TRAPPC9: variants seen among roughly 807,000 people sequenced by gnomAD.
TRAPPC9 encodes IKK2 binding protein.
TRAPPC9 carries 83 observed loss-of-function variants against 124.0 expected under a neutral mutation model. The observed-to-expected ratio is 0.67, with a 90% CI of 0.56 to 0.80. The LOEUF (loss-of-function observed/expected upper bound fraction) is 0.80, where lower values mean the gene tolerates loss of function less well. Ranked by LOEUF, TRAPPC9 falls within the 30% of genes least tolerant of loss-of-function variation. The probability of loss-of-function intolerance (pLI) is 0.00; values close to 1 mark genes in which losing one functional copy is unlikely to be tolerated. For missense variants in TRAPPC9, 1,302 were observed against 1,508.3 expected, an observed-to-expected ratio of 0.86 and a Z score of 2.27; for synonymous variants, 638 against 617.5, an observed-to-expected ratio of 1.03 and a Z score of -0.49.
chr8:139,977,743 C>T (rs879511443), intron 19 of TRAPPC9, among the ~76,000 whole-genome samples: 27 of 151,638 alleles, frequency 1.8e-4, no homozygotes, highest in Non-Finnish European at 2.6e-4. Context: ...TGCAGTGGGG[C>T]GATCTCAGCT....
At chr8:140,137,226 G>A (rs973844573) in intron 17 of TRAPPC9, among the ~76,000 whole-genome samples, 13 of 152,258 alleles carry the variant, frequency 8.5e-5, no homozygotes, top group Admixed American at 5.2e-4. Flanking sequence ...AGGGCTCACC[G>A]CATCCCCTCA....
chr8:140,235,569 CAAGTT>C (rs1340293919), intron 16 of TRAPPC9, among the ~76,000 whole-genome samples: 4 of 152,124 alleles, frequency 2.6e-5, no homozygotes, highest in Non-Finnish European at 4.4e-5. Context: ...TTGGGAAAAG[CAAGTT>C]AATACCACAG....
Position 140,286,830 on chromosome 8 carries a change from A to G in TRAPPC9, c.1981+778T>C, listed in dbSNP as rs751006792. Among the ~76,000 whole-genome samples, 41 of 152,282 alleles carry G rather than the reference A, an allele frequency of 2.7e-4. No homozygotes were observed. The Middle Eastern group carries it at 0.014, about 51-fold the overall frequency. ...CACATTGGAGGAACTGGAAGACAGC[A>G]AGGCCAGGGCATCGGTGGGATCACC... is the stretch of plus-strand genomic sequence containing the variant. On this transcript the variant is annotated intron_variant, in intron 13 of 22. Transcript: ENST00000438773.
chr8:140,358,531 A>C (rs1014064868), intron 9 of TRAPPC9, among the ~76,000 whole-genome samples: 3 of 152,174 alleles, frequency 2.0e-5, no homozygotes, highest in African/African-American at 7.2e-5. Flanking sequence ...TAAACCTCAC[A>C]ACCACCCTCA....
chr8:139,756,853 G>A (rs1819850413), intron 21 of TRAPPC9, among the ~76,000 whole-genome samples: 1 of 140,270 alleles, frequency 7.1e-6, no homozygotes, highest in Non-Finnish European at 1.5e-5. Flanking sequence ...CGCAGGAGGA[G>A]CCAGGGATTG....
At chr8:139,906,494 G>A (rs1213424225) in intron 20 of TRAPPC9, among the ~76,000 whole-genome samples, 3 of 152,192 alleles carry the variant, frequency 2.0e-5, no homozygotes, top group South Asian at 2.1e-4. Context: ...CAAGAACAAG[G>A]AGGCTACTGA....
intron 21 of TRAPPC9, among the ~76,000 whole-genome samples, chr8:139,772,705 T>C (rs957784005): frequency 3.3e-5 from 5 of 152,222 alleles, no homozygotes; most frequent in Non-Finnish European, 4.4e-5. Context: ...CACCTAGTGT[T>C]AGGGGCTGAA....
At chr8:140,349,086 T>G (rs1372090076) in intron 9 of TRAPPC9, among the ~76,000 whole-genome samples, 6 of 46,970 alleles carry the variant, frequency 1.3e-4, no homozygotes, top group East Asian at 6.9e-4. Context: ...AAGGGGGGCG[T>G]GCGAGGGAAG....
intron 16 of TRAPPC9, among the ~76,000 whole-genome samples, chr8:140,237,699 G>A (rs1032937098): frequency 1.1e-4 from 17 of 152,072 alleles, no homozygotes; most frequent in South Asian, 2.1e-4. Context: ...AGAGCAGAGC[G>A]GGCAGGCCCC....
At chr8:140,193,622 GAAAAAAAAAAA>G (rs72383095) in intron 17 of TRAPPC9, among the ~76,000 whole-genome samples, 1 of 77,334 alleles carries the variant, frequency 1.3e-5, no homozygotes, top group Non-Finnish European at 2.4e-5. Context: ...TGTACTTTCA[GAAAAAAAAAAA>G]AAAAAAAAAA....
chr8:140,423,659 C>CATATAT (rs2070313326), intron 5 of TRAPPC9, among the ~76,000 whole-genome samples: 1 of 60,524 alleles, frequency 1.7e-5, no homozygotes, highest in African/African-American at 5.1e-5. Context: ...TATACATACA[C>CATATAT]ACATATATAC....
At chr8:140,262,730 T>A (rs2064469854) in intron 15 of TRAPPC9, 1 of 152,212 alleles carries the variant, frequency 6.6e-6, no homozygotes, top group South Asian at 2.1e-4. Context: ...CATGCATTAT[T>A]CATGTGCCTG....
At chr8:140,433,929 C>T (rs940829294) in intron 4 of TRAPPC9, among the ~76,000 whole-genome samples, 1 of 152,170 alleles carries the variant, frequency 6.6e-6, no homozygotes. Flanking sequence ...ACTGGCTGTC[C>T]GGAACCACTC....
chr8:139,827,445 C>G (rs976975003), intron 21 of TRAPPC9, among the ~76,000 whole-genome samples: 1 of 152,350 alleles, frequency 6.6e-6, no homozygotes, highest in East Asian at 1.9e-4. Context: ...GCTGGGAACC[C>G]CCTGATGGGG....
intron 21 of TRAPPC9, among the ~76,000 whole-genome samples, chr8:139,830,374 TACAC>T (rs1181478052): frequency 6.6e-6 from 1 of 150,562 alleles, no homozygotes; most frequent in African/African-American, 2.5e-5. Flanking sequence ...ACGCTACACA[TACAC>T]ACACATGCAT....
chr8:140,400,095 A>G (rs2069216688), intron 6 of TRAPPC9, among the ~76,000 whole-genome samples: 2 of 152,300 alleles, frequency 1.3e-5, no homozygotes, highest in South Asian at 4.1e-4. Context: ...GCCTTCCACC[A>G]TGATTGTGAG....
intron 17 of TRAPPC9, among the ~76,000 whole-genome samples, chr8:140,211,854 C>T (rs1371317008): frequency 1.3e-5 from 2 of 152,184 alleles, no homozygotes; most frequent in Non-Finnish European, 2.9e-5. Flanking sequence ...AAGCCCATGG[C>T]CACGAGGCGC....
At chr8:140,309,188 GA>G (rs2066223347) in intron 10 of TRAPPC9, among the ~76,000 whole-genome samples, 1 of 152,218 alleles carries the variant, frequency 6.6e-6, no homozygotes, top group South Asian at 2.1e-4. Context: ...AAACACAGGT[GA>G]AAAAATGTCT....
chr8:140,040,300 T>C (rs781422055), intron 17 of TRAPPC9: 1 of 152,388 alleles, frequency 6.6e-6, no homozygotes, highest in Non-Finnish European at 1.5e-5. Flanking sequence ...CAAAGTGAAG[T>C]GTGATGGCCT....
Sources: gnomAD v4.1 joint callset for allele counts (sites outside exome capture counted in the v4.1 genomes callset) on GRCh38, gnomAD v4.1.1 for gene constraint, MANE v1.5 for transcripts, NCBI Gene and HGNC (gene_info 2026-07-23, HGNC 2026-07-21) for gene names.